TES: variants seen among roughly 807,000 people sequenced by gnomAD.
The protein encoded by TES is testin.
A neutral mutation model predicts 48.2 loss-of-function variants in TES; 41 were observed. The ratio of observed to expected loss-of-function variants is 0.85; its 90% CI spans 0.66 to 1.10. The LOEUF is 1.10. TES is among the 50% of genes least tolerant of loss of function. The pLI, the probability that TES is intolerant of heterozygous loss-of-function variation, is 0.00. For missense variants in TES, 463 were observed against 515.1 expected (o/e 0.90, Z 0.98); for synonymous variants, 162 against 174.9 (o/e 0.93, Z 0.58).
intron 2 of TES, chr7:116,237,920 A>G (rs1799794940): frequency 6.6e-6 from 1 of 152,094 alleles, no homozygotes; most frequent in Non-Finnish European, 1.5e-5. Context: ...ATGGATTGTG[A>G]CGTTCACCTT....
At chr7:116,210,807 G>T in intron 1 of TES, 73 bp downstream of exon 1, 1 of 1,209,374 alleles carries the variant, frequency 8.3e-7, no homozygotes. Flanking sequence ...GGCCGGAGGT[G>T]CCGAGGTGGG....
intron 2 of TES, among the ~76,000 whole-genome samples, chr7:116,247,085 A>G (rs914063817): frequency 2.3e-4 from 35 of 151,976 alleles, no homozygotes; most frequent in African/African-American, 8.5e-4. Flanking sequence ...TTGTCCTTGA[A>G]CTATAAGAAA....
Position 116,257,561 on chromosome 7 carries a change from AAT to A in TES, c.*81_*82del. 1 of 1,198,490 alleles carries A rather than the reference AAT, an allele frequency of 8.3e-7. No individual in the cohort carries two copies. The highest frequency in any genetic ancestry group is 3.4e-5 in the South Asian group (1 of 29,586). The allele number at this position is 1,198,490 out of a possible 1,614,324, so 74.2% of individuals were successfully genotyped here. On this transcript the variant is annotated 3_prime_UTR_variant, in exon 7 of 7. Transcript: ENST00000358204. ...CTACTGTAAAATGCAATTTGAAAAA[AAT>A]AAAACGCAAAAAAAGAAACTGTAAA...
intron 1 of TES, among the ~76,000 whole-genome samples, chr7:116,219,009 C>T (rs944212521): frequency 6.6e-6 from 1 of 152,110 alleles, no homozygotes; most frequent in African/African-American, 2.4e-5. Context: ...TAGTGACTTA[C>T]ACTTTGTGAA....
Position 116,257,667 on chromosome 7 carries a change from G to T in TES, c.*185G>T. Reference sequence around the variant, plus strand: ...TTTTTCGGTCTCAACTTTTAAACTTGGTTTAAGCATTTGATTTGTAAAACA... The same window carrying T: ...TTTTTCGGTCTCAACTTTTAAACTTTGTTTAAGCATTTGATTTGTAAAACA... On this transcript the variant is annotated 3_prime_UTR_variant, in exon 7 of 7. Coordinates refer to ENST00000358204, the MANE Select transcript of TES (RefSeq NM_015641.4). 2.3e-5 allele frequency: 11 copies of T among 486,390 alleles called. No homozygotes were observed. The highest frequency in any genetic ancestry group is 1.6e-4 in the South Asian group (4 of 24,394). 30.1% of individuals were successfully genotyped at this position (486,390 alleles called of 1,614,324 possible).
At chr7:116,236,724 A>T (rs1563010036) in intron 2 of TES, among the ~76,000 whole-genome samples, 1 of 152,200 alleles carries the variant, frequency 6.6e-6, no homozygotes, top group Non-Finnish European at 1.5e-5. Flanking sequence ...TTATGTCTAT[A>T]TTAATCATTT....
chr7:116,220,151 C>G (rs1799540095), intron 1 of TES, among the ~76,000 whole-genome samples: 1 of 152,018 alleles, frequency 6.6e-6, no homozygotes, highest in Admixed American at 6.6e-5. Flanking sequence ...GTGAACATTC[C>G]AATAATATGT....
At chr7:116,228,017 T>TG (rs1308068597) in intron 1 of TES, among the ~76,000 whole-genome samples, 3 of 140,882 alleles carry the variant, frequency 2.1e-5, no homozygotes, top group African/African-American at 2.8e-5. Context: ...TGTTTTTTTT[T>TG]TTTTGTTTTT....
In TES at chr7:116,257,516, A is replaced by T; in HGVS notation, c.*34A>T. 2.7e-6 allele frequency: 4 copies of T among 1,476,718 alleles called. No individual in the cohort carries two copies. The highest frequency in any genetic ancestry group is 3.6e-6 in the Non-Finnish European group (4 of 1,106,426). The allele number at this position is 1,476,718 out of a possible 1,614,324, so 91.5% of individuals were successfully genotyped here. ...CACCCAGAAGTATCGAGCCATAGCT[A>T]TCCAAAGTGGTCTGCATTTCTACTG... On this transcript the variant is annotated 3_prime_UTR_variant, in exon 7 of 7. Transcript: ENST00000358204.
intron 1 of TES, among the ~76,000 whole-genome samples, chr7:116,221,091 G>A (rs889734858): frequency 6.6e-6 from 1 of 151,978 alleles, no homozygotes; most frequent in Non-Finnish European, 1.5e-5. Flanking sequence ...TTTAAAGTTC[G>A]ATAACTGGGG....
At chr7:116,237,777 T>C (rs1448391827) in intron 2 of TES, among the ~76,000 whole-genome samples, 2 of 152,194 alleles carry the variant, frequency 1.3e-5, no homozygotes, top group Non-Finnish European at 2.9e-5. Flanking sequence ...GTGAGGTCTC[T>C]CTTCCTGGCT....
intron 1 of TES, among the ~76,000 whole-genome samples, chr7:116,223,875 G>C (rs1055223693): frequency 3.9e-5 from 6 of 152,182 alleles, no homozygotes; most frequent in Non-Finnish European, 7.3e-5. Context: ...AATCAAAACA[G>C]AAAAGAGGAT....
chr7:116,246,774 T>A (rs951635922), intron 2 of TES, among the ~76,000 whole-genome samples: 2 of 152,164 alleles, frequency 1.3e-5, no homozygotes, highest in Non-Finnish European at 2.9e-5. Context: ...AAATATCATC[T>A]TCTTATGGGG....
chr7:116,211,130 A>C (rs1250219266), intron 1 of TES: 1 of 169,398 alleles, frequency 5.9e-6, no homozygotes, highest in African/African-American at 2.4e-5. Context: ...CAGGAAGTTG[A>C]ATTTCATTAA....
chr7:116,231,635 AC>A (rs1249981770), intron 1 of TES, among the ~76,000 whole-genome samples: 1 of 152,176 alleles, frequency 6.6e-6, no homozygotes, highest in African/African-American at 2.4e-5. Context: ...TTATCTAAAG[AC>A]CTGAAATCCA....
At chr7:116,245,245 CTT>C (rs1192046864) in intron 2 of TES, among the ~76,000 whole-genome samples, 1 of 152,150 alleles carries the variant, frequency 6.6e-6, no homozygotes, top group Non-Finnish European at 1.5e-5. Context: ...ATTTTTCAAA[CTT>C]TTATCCTCCG....
chr7:116,256,643 T>C (rs771746732), intron 6 of TES, among the ~76,000 whole-genome samples: 11 of 152,104 alleles, frequency 7.2e-5, no homozygotes, highest in Non-Finnish European at 1.3e-4. Flanking sequence ...ATGTCATGTA[T>C]ATATACATAA....
At chr7:116,254,754 A>ATGTGTGTGTGTG (rs562076686) in intron 6 of TES, among the ~76,000 whole-genome samples, 3 of 119,248 alleles carry the variant, frequency 2.5e-5, no homozygotes, top group Non-Finnish European at 3.6e-5. Context: ...AAAAATATAT[A>ATGTGTGTGTGTG]TATATGTGTG....
intron 6 of TES, 83 bp from the exon 7 acceptor site, chr7:116,257,211 T>A (rs1800112675): frequency 7.3e-7 from 1 of 1,373,506 alleles, no homozygotes; most frequent in African/African-American, 1.5e-5. Flanking sequence ...TAATTTATCA[T>A]CTAAAGAAAT....
Sources: allele counts gnomAD v4.1 joint callset (sites outside exome capture counted in the v4.1 genomes callset), GRCh38; gene constraint gnomAD v4.1.1; transcripts MANE v1.5; gene names NCBI Gene and HGNC (gene_info 2026-07-23, HGNC 2026-07-21).